FBXL7: variants seen among roughly 807,000 people sequenced by gnomAD.
FBXL7 encodes F-box and leucine rich repeat protein 7, also known as F-box/LRR-repeat protein 7.
FBXL7 carries 12 observed loss-of-function variants against 38.3 expected under a neutral mutation model. That is an observed-to-expected ratio of 0.31 (90% CI 0.20 to 0.51). FBXL7 has a LOEUF of 0.51. Ranked by LOEUF, FBXL7 falls within the 20% of genes least tolerant of loss-of-function variation. FBXL7 has a pLI of 0.98. For missense variants in FBXL7, 567 were observed against 676.4 expected (o/e 0.84, Z 1.79); for synonymous variants, 297 against 300.9 (o/e 0.99, Z 0.13).
chr5:15,643,763 G>T (rs1185469502), intron 2 of FBXL7, among the ~76,000 whole-genome samples: 2 of 152,158 alleles, frequency 1.3e-5, no homozygotes, highest in Non-Finnish European at 2.9e-5. Context: ...AATGGAAAGT[G>T]CTTTGGGAAC....
intron 2 of FBXL7, among the ~76,000 whole-genome samples, chr5:15,726,484 G>C (rs946820617): frequency 5.9e-5 from 9 of 151,968 alleles, no homozygotes; most frequent in Admixed American, 5.2e-4. Context: ...CACGAGATCA[G>C]GAGTTCGAGA....
At chr5:15,721,386 A>G (rs866968313) in intron 2 of FBXL7, among the ~76,000 whole-genome samples, 2 of 152,192 alleles carry the variant, frequency 1.3e-5, no homozygotes, top group Middle Eastern at 3.2e-3. Context: ...TCTAAAGGTA[A>G]CATCACCCAT....
rs936619616 is a variant in FBXL7 at position 15,773,484 on chromosome 5, AT to A, written c.128-154395del. On this transcript the variant is annotated intron_variant, in intron 2 of 3. Transcript: ENST00000504595. ...CATAGCAAAACCCCATCTCTACTAAATTTTTTTTTTTAAGTATCTAGTCATG... is the reference window on the plus strand; with the variant it reads ...CATAGCAAAACCCCATCTCTACTAAATTTTTTTTTTAAGTATCTAGTCATG... Among the ~76,000 whole-genome samples the A allele has an allele frequency of 4.3e-3, 636 of 148,486 alleles. 3 individuals are homozygous for A. Among genetic ancestry groups the A allele is most frequent in the African/African-American group, 0.014 (579 of 40,562 alleles).
At chr5:15,862,486 A>G in intron 2 of FBXL7, among the ~76,000 whole-genome samples, 1 of 152,168 alleles carries the variant, frequency 6.6e-6, no homozygotes, top group Non-Finnish European at 1.5e-5. Context: ...TTTTATGTAT[A>G]TTATTGTACT....
chr5:15,836,837 T>C (rs1158124383), intron 2 of FBXL7, among the ~76,000 whole-genome samples: 1 of 152,176 alleles, frequency 6.6e-6, no homozygotes, highest in East Asian at 1.9e-4. Context: ...TATATTATGA[T>C]GGAACCTTAG....
intron 1 of FBXL7, among the ~76,000 whole-genome samples, chr5:15,578,758 A>G (rs1282614357): frequency 6.6e-6 from 1 of 152,218 alleles, no homozygotes; most frequent in South Asian, 2.1e-4. Context: ...CTAATTCTGC[A>G]AAATAAAAAT....
intron 2 of FBXL7, among the ~76,000 whole-genome samples, chr5:15,724,953 G>T (rs894388528): frequency 6.6e-6 from 1 of 152,102 alleles, no homozygotes; most frequent in African/African-American, 2.4e-5. Context: ...AAACAAAGAG[G>T]CATGGCTGTG....
intron 1 of FBXL7, among the ~76,000 whole-genome samples, chr5:15,575,045 G>A (rs768576091): frequency 6.6e-6 from 1 of 152,106 alleles, no homozygotes; most frequent in Non-Finnish European, 1.5e-5. Flanking sequence ...GAAAAAGTGG[G>A]GAGTGCTGCT....
intron 2 of FBXL7, among the ~76,000 whole-genome samples, chr5:15,749,832 AGCCCTGGGCCTTGAAGAGCCCAGG>A (rs1355229322): frequency 1.3e-5 from 2 of 152,186 alleles, no homozygotes; most frequent in East Asian, 1.9e-4. Context: ...CAGAGCCCAG[AGCCCTGGGCCTTGAAGAGCCCAGG>A]AGACTCTGCC....
chr5:15,762,442 A>G (rs1380943468), intron 2 of FBXL7, among the ~76,000 whole-genome samples: 1 of 152,170 alleles, frequency 6.6e-6, no homozygotes, highest in Non-Finnish European at 1.5e-5. Context: ...GGAAATCCAC[A>G]TAGCACAGCC....
At position 15,936,871 on chromosome 5, in the gene FBXL7, G is replaced by C; in HGVS notation, c.1161G>C (p.Glu387Asp). 1 of 1,613,964 alleles carries C rather than the reference G, an allele frequency of 6.2e-7. No individual in the cohort carries two copies. The highest frequency in any genetic ancestry group is 8.5e-7 in the Non-Finnish European group (1 of 1,179,858). Residue 387 changes from glutamate to aspartate, a missense_variant, in exon 4 of 4, where the codon GAG becomes GAC. Transcript: ENST00000504595. The surrounding 1 kb of genome is among the most constrained non-coding windows in gnomAD (Gnocchi z 6.0). Reference sequence around the variant, plus strand: ...GCTACCTCAACGCGAGGGGCTGCGAGGGCATCACGGACCACGGTGTGGAGT... The same window carrying C: ...GCTACCTCAACGCGAGGGGCTGCGACGGCATCACGGACCACGGTGTGGAGT... ...KLRYLNARGC[E>D]GITDHGVEYL...
chr5:15,572,621 A>T (rs534186592), intron 1 of FBXL7, among the ~76,000 whole-genome samples: 11 of 152,250 alleles, frequency 7.2e-5, no homozygotes, highest in Admixed American at 7.2e-4. Flanking sequence ...GTGTGCCTCC[A>T]TGTGGGAATT....
At chr5:15,589,489 T>C (rs1422342213) in intron 1 of FBXL7, among the ~76,000 whole-genome samples, 1 of 152,180 alleles carries the variant, frequency 6.6e-6, no homozygotes, top group African/African-American at 2.4e-5. Flanking sequence ...TTCCCGAGGC[T>C]TCCCCGGCTA....
intron 1 of FBXL7, among the ~76,000 whole-genome samples, chr5:15,543,454 C>T (rs1354224992): frequency 6.6e-6 from 1 of 152,162 alleles, no homozygotes; most frequent in Non-Finnish European, 1.5e-5. Context: ...GAGATTTTGG[C>T]CAGGTCATAT....
intron 2 of FBXL7, among the ~76,000 whole-genome samples, chr5:15,890,964 A>G (rs916368156): frequency 2.0e-5 from 3 of 152,192 alleles, no homozygotes; most frequent in Non-Finnish European, 4.4e-5. Context: ...AATTAGAAAA[A>G]AAAACTTGAA....
intron 1 of FBXL7, among the ~76,000 whole-genome samples, chr5:15,528,194 A>G (rs886749395): frequency 6.6e-6 from 1 of 152,128 alleles, no homozygotes; most frequent in African/African-American, 2.4e-5. Context: ...GACCCTCCCT[A>G]ATCTACTAAG....
At chr5:15,663,661 G>A (rs1183654013) in intron 2 of FBXL7, among the ~76,000 whole-genome samples, 1 of 152,160 alleles carries the variant, frequency 6.6e-6, no homozygotes, top group Non-Finnish European at 1.5e-5. Context: ...CTGGCCTCCT[G>A]GGATGAAGCC....
intron 2 of FBXL7, among the ~76,000 whole-genome samples, chr5:15,921,808 G>A (rs1741748970): frequency 6.6e-6 from 1 of 152,178 alleles, no homozygotes; most frequent in Non-Finnish European, 1.5e-5. Flanking sequence ...CACCTCACAC[G>A]TGTTAGGAGA....
At chr5:15,815,805 TA>T (rs1242944736) in intron 2 of FBXL7, among the ~76,000 whole-genome samples, 1 of 152,206 alleles carries the variant, frequency 6.6e-6, no homozygotes, top group Non-Finnish European at 1.5e-5. Flanking sequence ...AGGGTGTTTT[TA>T]GTAAGGTGAT....
Sources: allele counts gnomAD v4.1 joint callset (sites outside exome capture counted in the v4.1 genomes callset), GRCh38; gene constraint gnomAD v4.1.1; non-coding constraint Gnocchi (gnomAD v3.1); transcripts MANE v1.5; gene names NCBI Gene and HGNC (gene_info 2026-07-23, HGNC 2026-07-21).